The following GLIS3 variants were observed in gnomAD, a reference collection of about 807,000 sequenced individuals.
The protein encoded by GLIS3 is GLIS family zinc finger 3.
Under a neutral mutation model 78.6 loss-of-function variants are expected in GLIS3, and 53 were observed. The ratio of observed to expected loss-of-function variants is 0.67; its 90% CI spans 0.54 to 0.85. GLIS3 has a LOEUF of 0.85. Ranked by LOEUF, GLIS3 falls within the 40% of genes least tolerant of loss-of-function variation. The probability of loss-of-function intolerance (pLI) is 0.00; values close to 1 mark genes in which losing one functional copy is unlikely to be tolerated. For missense variants in GLIS3, 1,703 were observed against 1,231.1 expected (o/e 1.38, Z -5.74); for synonymous variants, 684 against 509.9 (o/e 1.34, Z -4.60).
chr9:4,382,765 G>C, the GLIS3 span, among the ~76,000 whole-genome samples: 2 of 152,156 alleles, frequency 1.3e-5, no homozygotes, highest in African/African-American at 4.8e-5. Context: ...AACCCTTCAA[G>C]ATCAGGGCCT....
intron 2 of GLIS3, among the ~76,000 whole-genome samples, chr9:4,126,819 T>C (rs1014423080): frequency 6.6e-6 from 1 of 152,226 alleles, no homozygotes; most frequent in Non-Finnish European, 1.5e-5. Context: ...TCAGTAACTA[T>C]ACACTCTGTT....
At chr9:3,894,001 C>G (rs1563821255) in intron 7 of GLIS3, among the ~76,000 whole-genome samples, 1 of 152,198 alleles carries the variant, frequency 6.6e-6, no homozygotes, top group Non-Finnish European at 1.5e-5. Context: ...TGGACCATCA[C>G]AGATGCAAGA....
chr9:3,856,576 A>G (rs1819805818), intron 8 of GLIS3, among the ~76,000 whole-genome samples: 2 of 152,206 alleles, frequency 1.3e-5, no homozygotes, highest in East Asian at 1.9e-4. Flanking sequence ...ATGTTTCTGA[A>G]TCATTTACAC....
At chr9:4,333,383 G>C (rs992573677) in intron 2 of GLIS3, among the ~76,000 whole-genome samples, 5 of 151,566 alleles carry the variant, frequency 3.3e-5, no homozygotes, top group African/African-American at 7.3e-5. Context: ...GAAAGGAAGG[G>C]AGAGAGGGAA....
At chr9:4,236,970 G>C (rs192664745) in intron 2 of GLIS3, among the ~76,000 whole-genome samples, 25 of 152,112 alleles carry the variant, frequency 1.6e-4, no homozygotes, top group African/African-American at 5.1e-4. Flanking sequence ...ATCATTTCCA[G>C]TTGCACTAAA....
chr9:4,484,746 T>C, the GLIS3 span, among the ~76,000 whole-genome samples: 1 of 152,032 alleles, frequency 6.6e-6, no homozygotes, highest in Non-Finnish European at 1.5e-5. Context: ...GAGGAAGTTA[T>C]AGTTTAACCT....
the GLIS3 span, among the ~76,000 whole-genome samples, chr9:4,419,092 A>C: frequency 6.6e-6 from 1 of 152,212 alleles, no homozygotes; most frequent in African/African-American, 2.4e-5. Context: ...GAGAGCTGGA[A>C]TTTTAAAATA....
intron 2 of GLIS3, among the ~76,000 whole-genome samples, chr9:4,270,467 AG>A (rs1483927719): frequency 6.6e-6 from 1 of 152,132 alleles, no homozygotes; most frequent in Non-Finnish European, 1.5e-5. Context: ...TGTCAGCTAG[AG>A]CCCCATCTGA....
the GLIS3 span, among the ~76,000 whole-genome samples, chr9:4,360,473 G>A: frequency 2.0e-5 from 3 of 152,110 alleles, no homozygotes; most frequent in Non-Finnish European, 2.9e-5. Context: ...TTAATTTGCT[G>A]TCGTTTCAAT....
chr9:3,957,151 G>A (rs2130865822), intron 4 of GLIS3, among the ~76,000 whole-genome samples: 1 of 152,312 alleles, frequency 6.6e-6, no homozygotes, highest in East Asian at 1.9e-4. Flanking sequence ...TTCTTTGAAG[G>A]TGTGGCCTAG....
chr9:4,489,208 G>C, the GLIS3 span, among the ~76,000 whole-genome samples: 2 of 152,114 alleles, frequency 1.3e-5, no homozygotes, highest in Non-Finnish European at 2.9e-5. Context: ...GACACCCAAC[G>C]ACCTTAAAAT....
At chr9:4,325,126 T>C (rs2130554190) in intron 2 of GLIS3, among the ~76,000 whole-genome samples, 1 of 152,292 alleles carries the variant, frequency 6.6e-6, no homozygotes. Flanking sequence ...TGAACCCAAC[T>C]GGTATGTCTA....
chr9:4,195,307 C>T (rs1250190985), intron 2 of GLIS3, among the ~76,000 whole-genome samples: 2 of 152,112 alleles, frequency 1.3e-5, no homozygotes, highest in South Asian at 2.1e-4. Flanking sequence ...GGGAGAGGCG[C>T]GGGTGGGAAC....
At chr9:4,079,331 T>C (rs1588620976) in intron 4 of GLIS3, among the ~76,000 whole-genome samples, 1 of 152,220 alleles carries the variant, frequency 6.6e-6, no homozygotes, top group Non-Finnish European at 1.5e-5. Flanking sequence ...CTTAAGATCC[T>C]AGTCAAAGGC....
chr9:3,998,879 A>G (rs1488305566), intron 4 of GLIS3, among the ~76,000 whole-genome samples: 1 of 151,660 alleles, frequency 6.6e-6, no homozygotes, highest in African/African-American at 2.4e-5. Flanking sequence ...TTTCAATACA[A>G]TTACCACTGA....
At chr9:4,056,636 C>T (rs10118502) in intron 4 of GLIS3, among the ~76,000 whole-genome samples, 5,864 of 151,920 alleles carry the variant, frequency 0.039, 418 homozygotes, top group East Asian at 0.23. Flanking sequence ...AGGTGAGAGA[C>T]GGGATATGAA....
chr9:4,090,173 G>A (rs1159946663), intron 4 of GLIS3, among the ~76,000 whole-genome samples: 2 of 152,068 alleles, frequency 1.3e-5, no homozygotes, highest in Admixed American at 6.5e-5. Flanking sequence ...ACAGGTGACT[G>A]GCATTGCCCC....
intron 4 of GLIS3, among the ~76,000 whole-genome samples, chr9:4,060,107 A>G (rs893028437): frequency 6.6e-5 from 10 of 152,058 alleles, no homozygotes; most frequent in African/African-American, 1.9e-4. Context: ...CTGGTAGCGC[A>G]TATCAAGCAT....
Position 4,283,261 on chromosome 9 carries a change from G to GT in GLIS3, c.388+2776dup, listed in dbSNP as rs369306104. 5.8e-4 allele frequency among the ~76,000 whole-genome samples: 44 copies of GT among 76,378 alleles called. 1 individual carries two copies. Among genetic ancestry groups the GT allele is most frequent in the African/African-American group, 3.5e-3 (44 of 12,594 alleles). 50.1% of individuals were successfully genotyped at this position (76,378 alleles called of 152,430 possible). Reference sequence around the variant, plus strand: ...GGAGTCCTTACTGTGCTGTTTTTTTGTTTTTTTGTTTTTTTTTTTTTTGAG... The same window carrying GT: ...GGAGTCCTTACTGTGCTGTTTTTTTGTTTTTTTTGTTTTTTTTTTTTTTGAG... On this transcript the variant is annotated intron_variant, in intron 2 of 10. Coordinates refer to ENST00000381971, the MANE Select transcript of GLIS3 (RefSeq NM_001042413.2).
Sources: gnomAD v4.1 joint callset for allele counts (sites outside exome capture counted in the v4.1 genomes callset) on GRCh38, gnomAD v4.1.1 for gene constraint, MANE v1.5 for transcripts, NCBI Gene and HGNC (gene_info 2026-07-23, HGNC 2026-07-21) for gene names.